Variants in TMTC1 observed in about 807,000 individuals in gnomAD.
TMTC1 encodes the protein protein O-mannosyl-transferase TMTC1.
Under a neutral mutation model 104.8 loss-of-function variants are expected in TMTC1, and 73 were observed. That is an observed-to-expected ratio of 0.70 (90% CI 0.58 to 0.85). The LOEUF is 0.85. Among genes scored for constraint, TMTC1 ranks in the 40% least tolerant of loss-of-function variants. The probability of loss-of-function intolerance (pLI) is 0.00; values close to 1 mark genes in which losing one functional copy is unlikely to be tolerated. For synonymous variants in TMTC1, 434 were observed against 428.7 expected, an observed-to-expected ratio of 1.01 and a Z score of -0.15; for missense variants, 1,035 against 1,096.1, an observed-to-expected ratio of 0.94 and a Z score of 0.79.
At chr12:29,699,470 A>G (rs1017542385) in intron 5 of TMTC1, among the ~76,000 whole-genome samples, 4 of 152,194 alleles carry the variant, frequency 2.6e-5, no homozygotes, top group Non-Finnish European at 4.4e-5. Context: ...AATATCTTCT[A>G]TGACTACTTT....
intron 8 of TMTC1, among the ~76,000 whole-genome samples, chr12:29,580,212 G>A (rs1423035576): frequency 6.6e-6 from 1 of 152,014 alleles, no homozygotes; most frequent in African/African-American, 2.4e-5. Context: ...CCATCTCCTC[G>A]GTAGGCTGAG....
At chr12:29,621,980 G>A (rs948931685) in intron 6 of TMTC1, among the ~76,000 whole-genome samples, 1 of 151,982 alleles carries the variant, frequency 6.6e-6, no homozygotes, top group Non-Finnish European at 1.5e-5. Context: ...TCTGGGGCTC[G>A]GTGCCACAGC....
At chr12:29,555,190 T>C (rs1484715973) in intron 10 of TMTC1, among the ~76,000 whole-genome samples, 2 of 127,596 alleles carry the variant, frequency 1.6e-5, no homozygotes, top group Non-Finnish European at 3.1e-5. Flanking sequence ...CAGGCTAGAG[T>C]ACAGTGGCAT....
chr12:29,579,151 G>A (rs564498186), intron 8 of TMTC1, among the ~76,000 whole-genome samples: 5 of 152,114 alleles, frequency 3.3e-5, no homozygotes, highest in African/African-American at 1.2e-4. Context: ...TCCTGAAGTT[G>A]ATCAACATTT....
intron 5 of TMTC1, among the ~76,000 whole-genome samples, chr12:29,690,162 G>A (rs2194817): frequency 0.27 from 40,877 of 152,080 alleles, 5,965 homozygotes; most frequent in Admixed American, 0.37. Context: ...GAGCCTTTTG[G>A]AGAATTTGCT....
chr12:29,662,673 A>G (rs1940089376), intron 5 of TMTC1, among the ~76,000 whole-genome samples: 1 of 151,532 alleles, frequency 6.6e-6, no homozygotes, highest in Non-Finnish European at 1.5e-5. Context: ...TCTCAAAAAA[A>G]AAAAAAAAAA....
At chr12:29,636,486 T>C (rs1300748979) in intron 5 of TMTC1, among the ~76,000 whole-genome samples, 1 of 152,140 alleles carries the variant, frequency 6.6e-6, no homozygotes, top group African/African-American at 2.4e-5. Context: ...ATAACAAAAA[T>C]TTTTTAAAGT....
chr12:29,556,181 G>A (rs1182068050), intron 10 of TMTC1, among the ~76,000 whole-genome samples: 3 of 151,986 alleles, frequency 2.0e-5, no homozygotes, highest in East Asian at 1.9e-4. Context: ...ACCCTTTACT[G>A]TAGTCTTCAG....
intron 12 of TMTC1, 79 bp downstream of exon 12, chr12:29,520,539 G>A: frequency 8.1e-7 from 1 of 1,241,826 alleles, no homozygotes; most frequent in Non-Finnish European, 1.2e-6. Context: ...TTACTTCTGA[G>A]GATTATTTGC....
intron 6 of TMTC1, among the ~76,000 whole-genome samples, chr12:29,625,075 G>A (rs182155543): frequency 7.2e-5 from 11 of 152,116 alleles, no homozygotes; most frequent in Admixed American, 2.6e-4. Context: ...ATTTCAGCTC[G>A]ATACTTGCTG....
chr12:29,510,800 G>A (rs1943812530), intron 17 of TMTC1, among the ~76,000 whole-genome samples: 1 of 152,162 alleles, frequency 6.6e-6, no homozygotes, highest in Non-Finnish European at 1.5e-5. Flanking sequence ...TTGGATCATG[G>A]CATTTCTCTG....
intron 5 of TMTC1, among the ~76,000 whole-genome samples, chr12:29,652,142 A>G (rs77869578): frequency 0.048 from 7,322 of 152,252 alleles, 205 homozygotes; most frequent in Admixed American, 0.068. Flanking sequence ...AAAAGGAAAG[A>G]AGAGTGGCCA....
At chr12:29,713,466 T>C (rs1242264053) in intron 5 of TMTC1, among the ~76,000 whole-genome samples, 2 of 152,132 alleles carry the variant, frequency 1.3e-5, no homozygotes, top group African/African-American at 4.8e-5. Flanking sequence ...CATGATTTTG[T>C]AACATCATGC....
intron 6 of TMTC1, among the ~76,000 whole-genome samples, chr12:29,609,347 G>A (rs1232318446): frequency 6.6e-6 from 1 of 152,210 alleles, no homozygotes; most frequent in African/African-American, 2.4e-5. Flanking sequence ...CAGGCTGACA[G>A]CTAGTATGGC....
At chr12:29,773,640 G>A (rs2120583448) in intron 1 of TMTC1, among the ~76,000 whole-genome samples, 1 of 152,228 alleles carries the variant, frequency 6.6e-6, no homozygotes, top group Middle Eastern at 3.4e-3. Flanking sequence ...AGTTTTCCTG[G>A]AATAAATTTT....
At chr12:29,759,477 C>CA (rs1259548767) in intron 2 of TMTC1, among the ~76,000 whole-genome samples, 10 of 152,108 alleles carry the variant, frequency 6.6e-5, no homozygotes, top group African/African-American at 2.2e-4. Context: ...GCCTGGGTGA[C>CA]AGAGTGGACC....
chr12:29,628,979 T>C (rs1405312840), intron 6 of TMTC1, among the ~76,000 whole-genome samples: 3 of 152,044 alleles, frequency 2.0e-5, no homozygotes, highest in Admixed American at 2.0e-4. Flanking sequence ...TTCCTTTCTA[T>C]TGATAATAAC....
intron 5 of TMTC1, among the ~76,000 whole-genome samples, chr12:29,691,594 G>C (rs1048695798): frequency 1.4e-5 from 2 of 143,146 alleles, no homozygotes; most frequent in Non-Finnish European, 3.0e-5. Context: ...ACCATTACCG[G>C]AAGCCAAAAC....
chr12:29,634,480 C>T (rs1231571069), intron 5 of TMTC1, among the ~76,000 whole-genome samples: 1 of 152,160 alleles, frequency 6.6e-6, no homozygotes, highest in Non-Finnish European at 1.5e-5. Flanking sequence ...CCACTCCACC[C>T]ACTCCCTCAC....
Sources: allele counts gnomAD v4.1 joint callset (sites outside exome capture counted in the v4.1 genomes callset), GRCh38; gene constraint gnomAD v4.1.1; transcripts MANE v1.5; gene names NCBI Gene and HGNC (gene_info 2026-07-23, HGNC 2026-07-21).